The following TRMT9B variants were observed in gnomAD, a reference collection of about 807,000 sequenced individuals.
TRMT9B encodes probable tRNA methyltransferase 9B.
Under a neutral mutation model 11.5 loss-of-function variants are expected in TRMT9B, and 16 were observed. That is an observed-to-expected ratio of 1.39 (90% confidence interval 0.94 to 2.11). The LOEUF (loss-of-function observed/expected upper bound fraction) is 2.11. Ranked by LOEUF, TRMT9B falls within the 30% of genes most tolerant of loss-of-function variation. TRMT9B has a pLI of 0.00. For synonymous variants in TRMT9B, 274 were observed against 192.4 expected, an observed-to-expected ratio of 1.42 and a Z score of -3.51; for missense variants, 941 against 553.8, an observed-to-expected ratio of 1.70 and a Z score of -7.02.
rs187450861 is a variant in TRMT9B, at chr8:13,024,205, G to A, written c.*2161G>A. 3.2e-3 allele frequency: 489 copies of A among 153,198 alleles called. No homozygotes were observed. The highest frequency in any genetic ancestry group is 5.7e-3 in the Non-Finnish European group (391 of 68,060). 9.5% of individuals were successfully genotyped at this position (153,198 alleles called of 1,614,324 possible). On this transcript the variant is annotated 3_prime_UTR_variant, in exon 5 of 5. Coordinates refer to ENST00000524591, the MANE Select transcript of TRMT9B (RefSeq NM_020844.3). Reference sequence around the variant, plus strand: ...ACTACTGGCACCCACCACGACGCCCGGCTGTTTTTTTGTATTTTTAGGAGA... The same window carrying A: ...ACTACTGGCACCCACCACGACGCCCAGCTGTTTTTTTGTATTTTTAGGAGA...
intron 1 of TRMT9B, 46 bp from the exon 2 acceptor site, chr8:12,990,788 A>C: frequency 1.6e-6 from 2 of 1,232,004 alleles, no homozygotes; most frequent in Non-Finnish European, 2.1e-6. Context: ...GGCTCCATAT[A>C]CATACCATGT....
At chr8:13,006,754 C>A in intron 3 of TRMT9B, 1 of 805,966 alleles carries the variant, frequency 1.2e-6, no homozygotes, top group Non-Finnish European at 1.6e-6. Context: ...CTGCAAACTC[C>A]GCCTCCCAGG....
intron 1 of TRMT9B, among the ~76,000 whole-genome samples, chr8:12,989,377 T>G (rs946654645): frequency 6.6e-6 from 1 of 152,236 alleles, no homozygotes; most frequent in African/African-American, 2.4e-5. Flanking sequence ...TCATGCACTT[T>G]AGACAGAGGC....
intron 1 of TRMT9B, among the ~76,000 whole-genome samples, chr8:12,967,543 C>T (rs1172750232): frequency 2.0e-5 from 3 of 152,186 alleles, no homozygotes; most frequent in Admixed American, 6.5e-5. Flanking sequence ...CCAACTCAGA[C>T]CCTCTTCAAT....
chr8:13,004,259 G>C (rs992258895), intron 2 of TRMT9B, among the ~76,000 whole-genome samples: 6 of 151,912 alleles, frequency 3.9e-5, no homozygotes, highest in African/African-American at 1.2e-4. Flanking sequence ...TCCTAGGTGA[G>C]TCCTCCTGCT....
chr8:12,991,526 C>A (rs540729949), intron 2 of TRMT9B, among the ~76,000 whole-genome samples: 1 of 152,310 alleles, frequency 6.6e-6, no homozygotes, highest in South Asian at 2.1e-4. Flanking sequence ...TTTATGCTCT[C>A]TCTTTTTTAA....
chr8:13,011,578 A>T lies in TRMT9B; in HGVS notation c.155-1106A>T, dbSNP rs936868443. On this transcript the variant is annotated intron_variant, in intron 3 of 4. Coordinates refer to ENST00000524591, the MANE Select transcript of TRMT9B (RefSeq NM_020844.3). ...ATATCTGTGATAGAATATAATACTAAGTATTAGACTGTAGAAGGCTTTGTT... is the reference window on the plus strand; with the variant it reads ...ATATCTGTGATAGAATATAATACTATGTATTAGACTGTAGAAGGCTTTGTT... The T allele has an allele frequency of 1.3e-5, 12 of 936,918 alleles. No individual in the cohort carries two copies. In the African/African-American group the frequency reaches 2.1e-4, roughly 17 times the overall value. The allele number at this position is 936,918 out of a possible 1,614,324, so 58.0% of individuals were successfully genotyped here.
chr8:12,954,395 G>A (rs963431324), intron 1 of TRMT9B, among the ~76,000 whole-genome samples: 2 of 152,176 alleles, frequency 1.3e-5, no homozygotes, highest in African/African-American at 2.4e-5. Context: ...GAAGACACAA[G>A]CAAGACATAT....
At chr8:12,971,786 G>C (rs1278850142) in intron 1 of TRMT9B, among the ~76,000 whole-genome samples, 1 of 152,082 alleles carries the variant, frequency 6.6e-6, no homozygotes, top group Non-Finnish European at 1.5e-5. Context: ...CATATTATAA[G>C]CATATTTTCA....
At chr8:13,012,346 G>T in intron 3 of TRMT9B, 7 of 894,658 alleles carry the variant, frequency 7.8e-6, no homozygotes, top group Non-Finnish European at 9.4e-6. Flanking sequence ...GGAGGCCGAG[G>T]CAGGCGGATC....
intron 1 of TRMT9B, among the ~76,000 whole-genome samples, chr8:12,968,048 C>G (rs529170290): frequency 3.3e-5 from 5 of 152,292 alleles, no homozygotes; most frequent in African/African-American, 1.2e-4. Flanking sequence ...CCACACCCAG[C>G]TAATTCTTGC....
Position 13,023,182 on chromosome 8 carries a change from C to T in TRMT9B, c.*1138C>T, listed in dbSNP as rs1002798328. 6.0e-6 allele frequency: 1 copy of T among 166,996 alleles called. No individual in the cohort carries two copies. Among genetic ancestry groups the T allele is most frequent in the Non-Finnish European group, 1.5e-5 (1 of 68,114 alleles). 10.3% of individuals were successfully genotyped at this position (166,996 alleles called of 1,614,324 possible). A position where few individuals can be genotyped will look rare whatever the true frequency, so the allele number is the denominator to read the frequency against. ...TTATTAGAAGGATGAATATCCAAGA[C>T]CAAGATTGACTAATGATGAGTCTGC... On this transcript the variant is annotated 3_prime_UTR_variant, in exon 5 of 5. Transcript: ENST00000524591.
At position 13,026,858 on chromosome 8, in the gene TRMT9B, T is replaced by A. The variant is rs1448443223; in HGVS notation, c.*4814T>A. On this transcript the variant is annotated 3_prime_UTR_variant, in exon 5 of 5. Transcript: ENST00000524591. ...TAGAGCCTTTCAAGGTAAGTGTGAT[T>A]ATCCCCTTTCCAAATGAGCTTTGGA... 6.0e-6 allele frequency: 1 copy of A among 167,118 alleles called. No homozygotes were observed. The highest frequency in any genetic ancestry group is 1.5e-5 in the Non-Finnish European group (1 of 68,128). The allele number at this position is 167,118 out of a possible 1,614,324, so 10.4% of individuals were successfully genotyped here. A position where few individuals can be genotyped will look rare whatever the true frequency, so the allele number is the denominator to read the frequency against.
At chr8:12,965,381 G>A (rs139444236) in intron 1 of TRMT9B, among the ~76,000 whole-genome samples, 73 of 152,240 alleles carry the variant, frequency 4.8e-4, no homozygotes, top group African/African-American at 1.7e-3. Flanking sequence ...AGGGAGATTT[G>A]GCTAAAAAGC....
At chr8:12,975,475 G>A (rs1804301860) in intron 1 of TRMT9B, among the ~76,000 whole-genome samples, 1 of 152,106 alleles carries the variant, frequency 6.6e-6, no homozygotes, top group Non-Finnish European at 1.5e-5. Flanking sequence ...AGTAGCTTAT[G>A]CCTGTAATCC....
intron 1 of TRMT9B, among the ~76,000 whole-genome samples, chr8:12,960,811 G>A (rs909084878): frequency 5.1e-4 from 77 of 152,236 alleles, no homozygotes; most frequent in African/African-American, 1.8e-3. Context: ...GAGTGTGGGG[G>A]TAAGAGAAGA....
intron 3 of TRMT9B, chr8:13,011,692 T>G: frequency 8.2e-6 from 8 of 979,140 alleles, no homozygotes; most frequent in Non-Finnish European, 9.7e-6. Flanking sequence ...GCTTTGTAAA[T>G]CCTGAATTAC....
intron 2 of TRMT9B, among the ~76,000 whole-genome samples, chr8:12,999,243 G>T (rs7826717): frequency 0.019 from 2,798 of 146,380 alleles, 30 homozygotes; most frequent in South Asian, 0.032. Context: ...AGGTTGCAGT[G>T]AGCCAAGATC....
intron 1 of TRMT9B, among the ~76,000 whole-genome samples, chr8:12,983,438 G>C (rs539615571): frequency 6.6e-6 from 1 of 152,268 alleles, no homozygotes; most frequent in Admixed American, 6.5e-5. Flanking sequence ...GGGTGGCTGA[G>C]GAGGGCAGAT....
Sources: gnomAD v4.1 joint callset for allele counts (sites outside exome capture counted in the v4.1 genomes callset) on GRCh38, gnomAD v4.1.1 for gene constraint, MANE v1.5 for transcripts, NCBI Gene and HGNC (gene_info 2026-07-23, HGNC 2026-07-21) for gene names.